TGFA: variants seen among roughly 807,000 people sequenced by gnomAD.
TGFA encodes the protein protransforming growth factor alpha.
In TGFA, 12 loss-of-function variants were observed where a neutral mutation model predicts 21.7. The observed-to-expected ratio is 0.55, with a 90% confidence interval of 0.35 to 0.90. TGFA has a LOEUF of 0.90. TGFA is among the 40% of genes least tolerant of loss of function. The probability of loss-of-function intolerance (pLI) is 0.01; values close to 1 mark genes in which losing one functional copy is unlikely to be tolerated. For missense variants in TGFA, 178 were observed against 210.8 expected (o/e 0.84, Z 0.96); for synonymous variants, 79 against 88.1 (o/e 0.90, Z 0.58).
chr2:70,489,032 C>T (rs1165178732), intron 2 of TGFA, among the ~76,000 whole-genome samples: 1 of 152,172 alleles, frequency 6.6e-6, no homozygotes, highest in African/African-American at 2.4e-5. Flanking sequence ...AAAGATGGCA[C>T]AAAAGATTCC....
At chr2:70,452,942 C>CA (rs1391078941) in intron 5 of TGFA, among the ~76,000 whole-genome samples, 1 of 151,928 alleles carries the variant, frequency 6.6e-6, no homozygotes, top group Non-Finnish European at 1.5e-5. Flanking sequence ...GACTCCGTCT[C>CA]AAAAAACAAA....
intron 3 of TGFA, among the ~76,000 whole-genome samples, chr2:70,459,840 T>A (rs1023248854): frequency 1.3e-5 from 2 of 152,298 alleles, no homozygotes; most frequent in South Asian, 4.1e-4. Context: ...CAACTCCCAG[T>A]CCCACACAGT....
At chr2:70,514,345 T>C (rs1672197892) in intron 2 of TGFA, among the ~76,000 whole-genome samples, 1 of 151,956 alleles carries the variant, frequency 6.6e-6, no homozygotes, top group Admixed American at 6.6e-5. Flanking sequence ...TGGCCACTGA[T>C]GGTTTGCCTC....
chr2:70,544,161 G>A (rs1446441386), intron 1 of TGFA, among the ~76,000 whole-genome samples: 5 of 151,906 alleles, frequency 3.3e-5, no homozygotes, highest in African/African-American at 1.2e-4. Context: ...TAACCAAAAA[G>A]TCAGCTTCGT....
intron 1 of TGFA, among the ~76,000 whole-genome samples, chr2:70,519,355 T>C (rs1216035792): frequency 6.6e-6 from 1 of 152,258 alleles, no homozygotes; most frequent in African/African-American, 2.4e-5. Flanking sequence ...TCATGGCATC[T>C]TCCCTTATGA....
chr2:70,491,784 G>T (rs563925164), intron 2 of TGFA, among the ~76,000 whole-genome samples: 2 of 152,212 alleles, frequency 1.3e-5, no homozygotes, highest in South Asian at 4.2e-4. Flanking sequence ...TGGCTTCCCT[G>T]CCCTGTGCAA....
At chr2:70,528,248 C>T (rs540561921) in intron 1 of TGFA, among the ~76,000 whole-genome samples, 1 of 152,292 alleles carries the variant, frequency 6.6e-6, no homozygotes, top group African/African-American at 2.4e-5. Flanking sequence ...AACAATTGCT[C>T]ATTAATTGTA....
chr2:70,548,262 G>T (rs1673377302), intron 1 of TGFA, among the ~76,000 whole-genome samples: 1 of 152,166 alleles, frequency 6.6e-6, no homozygotes, highest in Non-Finnish European at 1.5e-5. Flanking sequence ...GGTCCCTGCT[G>T]AGGCTCGGCC....
intron 1 of TGFA, among the ~76,000 whole-genome samples, chr2:70,520,074 A>G (rs934760757): frequency 2.6e-5 from 4 of 152,248 alleles, no homozygotes; most frequent in African/African-American, 4.8e-5. Context: ...CATGAGGTCC[A>G]TAAGTCACCA....
intron 5 of TGFA, 114 bp from the exon 6 acceptor site, chr2:70,450,980 C>T (rs1393969971): frequency 4.5e-6 from 6 of 1,345,078 alleles, no homozygotes; most frequent in Non-Finnish European, 5.2e-6. Context: ...CAAGTTCTCT[C>T]GGGCAGTTAG....
At chr2:70,517,361 G>T (rs749237416) in intron 1 of TGFA, among the ~76,000 whole-genome samples, 7 of 152,188 alleles carry the variant, frequency 4.6e-5, no homozygotes, top group African/African-American at 1.7e-4. Context: ...GAGCGGCAAG[G>T]CCTCTGCTTT....
At chr2:70,462,826 A>C (rs1574072271) in intron 3 of TGFA, among the ~76,000 whole-genome samples, 1 of 152,094 alleles carries the variant, frequency 6.6e-6, no homozygotes, top group Admixed American at 6.5e-5. Flanking sequence ...TGCCTCCCCC[A>C]AGATGGTCAG....
At chr2:70,462,781 A>T (rs12464815) in intron 3 of TGFA, among the ~76,000 whole-genome samples, 1 of 151,918 alleles carries the variant, frequency 6.6e-6, no homozygotes, top group South Asian at 2.1e-4. Flanking sequence ...CAGGGGGGAA[A>T]CTGAGGTAAA....
intron 1 of TGFA, among the ~76,000 whole-genome samples, chr2:70,521,138 C>T: frequency 6.6e-6 from 1 of 152,124 alleles, no homozygotes; most frequent in East Asian, 1.9e-4. Flanking sequence ...ACTGACCTTG[C>T]TGAATGAAAT....
chr2:70,478,487 A>G (rs1485304128), intron 2 of TGFA, among the ~76,000 whole-genome samples: 1 of 135,200 alleles, frequency 7.4e-6, no homozygotes, highest in African/African-American at 2.7e-5. Context: ...AAAATCTTAA[A>G]TCGATACCAC....
intron 2 of TGFA, among the ~76,000 whole-genome samples, chr2:70,477,174 T>A (rs1670962927): frequency 6.6e-6 from 1 of 152,186 alleles, no homozygotes. Flanking sequence ...CTAGATTTAA[T>A]CTGCACAAGA....
intron 1 of TGFA, among the ~76,000 whole-genome samples, chr2:70,542,975 C>CAT (rs1673176560): frequency 6.6e-6 from 1 of 151,220 alleles, no homozygotes; most frequent in Non-Finnish European, 1.5e-5. Flanking sequence ...TAGTGGCGGG[C>CAT]GCCTGTAATC....
intron 3 of TGFA, among the ~76,000 whole-genome samples, chr2:70,460,801 A>G (rs1670384597): frequency 6.6e-6 from 1 of 152,104 alleles, no homozygotes; most frequent in Non-Finnish European, 1.5e-5. Flanking sequence ...CAAACACTTG[A>G]GCTCATATGC....
At chr2:70,549,234 ACT>A (rs1673408301) in intron 1 of TGFA, among the ~76,000 whole-genome samples, 1 of 152,126 alleles carries the variant, frequency 6.6e-6, no homozygotes, top group African/African-American at 2.4e-5. Context: ...AAGAGGGCTA[ACT>A]CTGTCCTGGT....
Sources: gnomAD v4.1 joint callset for allele counts (sites outside exome capture counted in the v4.1 genomes callset) on GRCh38, gnomAD v4.1.1 for gene constraint, MANE v1.5 for transcripts, NCBI Gene and HGNC (gene_info 2026-07-23, HGNC 2026-07-21) for gene names.